TVP23B: variants seen among roughly 807,000 people sequenced by gnomAD.
TVP23B encodes Golgi apparatus membrane protein TVP23 homolog B.
Under a neutral mutation model 30.6 loss-of-function variants are expected in TVP23B, and 10 were observed. The observed-to-expected ratio is 0.33, with a 90% CI of 0.20 to 0.55. TVP23B has a LOEUF of 0.55. Ranked by LOEUF, TVP23B falls within the 20% of genes least tolerant of loss-of-function variation. TVP23B has a pLI of 0.91. For missense variants in TVP23B, 153 were observed against 243.2 expected (o/e 0.63, Z 2.47); for synonymous variants, 67 against 83.1 (o/e 0.81, Z 1.06).
chr17:18,793,136 C>T (rs981092819), intron 3 of TVP23B, among the ~76,000 whole-genome samples: 11 of 151,898 alleles, frequency 7.2e-5, no homozygotes, highest in Non-Finnish European at 1.0e-4. Context: ...AGCATGAGGC[C>T]TGTGGGCAGA....
At chr17:18,787,154 G>A (rs1399925342) in intron 1 of TVP23B, among the ~76,000 whole-genome samples, 2 of 152,194 alleles carry the variant, frequency 1.3e-5, no homozygotes, top group Non-Finnish European at 2.9e-5. Flanking sequence ...CAGCACTATG[G>A]GAGGGTGAGG....
chr17:18,801,983 AG>A (rs201274154), intron 5 of TVP23B, among the ~76,000 whole-genome samples: 1,714 of 152,178 alleles, frequency 0.011, 16 homozygotes, highest in East Asian at 0.043. Context: ...GCACTTTGGG[AG>A]GGCCAAGGCG....
chr17:18,788,931 G>C lies in TVP23B; in HGVS notation c.13-422G>C, dbSNP rs575260588. The C allele has an allele frequency of 7.7e-5, 13 of 169,890 alleles. No individual in the cohort carries two copies. The East Asian group carries it at 2.1e-3, about 27-fold the overall frequency. The allele number at this position is 169,890 out of a possible 1,614,324, so 10.5% of individuals were successfully genotyped here. ...TTGGTTTAGCCTTGGATAAGAAGAGGAGGAGTTGTGAGAAGGGGTCATGGA... is the reference window on the plus strand; with the variant it reads ...TTGGTTTAGCCTTGGATAAGAAGAGCAGGAGTTGTGAGAAGGGGTCATGGA... On this transcript the variant is annotated intron_variant, in intron 1 of 6. Transcript: ENST00000307767.
At chr17:18,797,507 T>G in intron 3 of TVP23B, 72 bp from the exon 4 acceptor site, 3 of 1,607,620 alleles carry the variant, frequency 1.9e-6, no homozygotes, top group Non-Finnish European at 2.5e-6. Context: ...AATGTTACAC[T>G]AAGATAGGAG....
intron 1 of TVP23B, among the ~76,000 whole-genome samples, chr17:18,785,384 T>TC (rs1230193522): frequency 3.1e-5 from 2 of 63,758 alleles, no homozygotes; most frequent in South Asian, 6.3e-4. Flanking sequence ...GAGCTATTTG[T>TC]CTTTTTTTTT....
At chr17:18,789,093 C>G (rs943731581) in intron 1 of TVP23B, 3 of 483,696 alleles carry the variant, frequency 6.2e-6, no homozygotes, top group Admixed American at 3.4e-5. Flanking sequence ...CTCATCTGCA[C>G]CCTAGAGTTT....
chr17:18,792,644 G>A (rs1035799495), intron 3 of TVP23B, among the ~76,000 whole-genome samples: 1 of 151,916 alleles, frequency 6.6e-6, no homozygotes, highest in African/African-American at 2.4e-5. Flanking sequence ...AATTTTTCTG[G>A]GTTTAGAGTT....
At chr17:18,800,932 G>A (rs2036155623) in intron 5 of TVP23B, among the ~76,000 whole-genome samples, 1 of 152,096 alleles carries the variant, frequency 6.6e-6, no homozygotes, top group Admixed American at 6.5e-5. Flanking sequence ...TTATGTCAGA[G>A]CTGTCTGGAG....
rs1567631608 is a variant in TVP23B at position 18,786,644 on chromosome 17, C to CT, written c.13-2702dup. Among the ~76,000 whole-genome samples the CT allele has an allele frequency of 5.9e-5, 9 of 151,900 alleles. No homozygotes were observed. In the South Asian group the frequency reaches 1.5e-3, roughly 25 times the overall value. ...CTGAGGGCTGGACCCAAGTATCAGC[C>CT]TTTTTTTGTTTGTTTGTTTGTTTTT... On this transcript the variant is annotated intron_variant, in intron 1 of 6. Coordinates refer to ENST00000307767, the MANE Select transcript of TVP23B (RefSeq NM_016078.6).
intron 3 of TVP23B, among the ~76,000 whole-genome samples, chr17:18,794,235 A>G (rs1434797204): frequency 6.6e-6 from 1 of 152,258 alleles, no homozygotes; most frequent in Non-Finnish European, 1.5e-5. Context: ...GGGACTTTGT[A>G]TGACAGAATA....
At chr17:18,795,061 T>G (rs1597620128) in intron 3 of TVP23B, among the ~76,000 whole-genome samples, 2 of 147,796 alleles carry the variant, frequency 1.4e-5, no homozygotes, top group African/African-American at 2.5e-5. Context: ...AATCTTGCTT[T>G]GTCACCCAAG....
chr17:18,784,708 C>T (rs923203852), intron 1 of TVP23B, among the ~76,000 whole-genome samples: 35 of 152,218 alleles, frequency 2.3e-4, no homozygotes, highest in Admixed American at 2.3e-3. Context: ...TTATGAGCAG[C>T]ATTTGACACA....
intron 1 of TVP23B, among the ~76,000 whole-genome samples, chr17:18,784,509 G>GT: frequency 6.6e-6 from 1 of 152,218 alleles, no homozygotes; most frequent in Admixed American, 6.5e-5. Context: ...CCTGGGGGTG[G>GT]TGGCATGTGC....
intron 1 of TVP23B, among the ~76,000 whole-genome samples, chr17:18,785,317 G>A (rs950595675): frequency 2.0e-5 from 3 of 151,274 alleles, no homozygotes; most frequent in East Asian, 1.9e-4. Flanking sequence ...ATTTTGCCCC[G>A]AAATCTTTTG....
At chr17:18,782,500 G>T (rs1186347239) in intron 1 of TVP23B, 1 of 150,802 alleles carries the variant, frequency 6.6e-6, no homozygotes, top group African/African-American at 2.4e-5. Context: ...GGGAGACTCC[G>T]TCTCAAACAA....
At chr17:18,787,012 C>T (rs1043683637) in intron 1 of TVP23B, among the ~76,000 whole-genome samples, 6 of 148,508 alleles carry the variant, frequency 4.0e-5, no homozygotes, top group Non-Finnish European at 7.4e-5. Flanking sequence ...TGTATATTAT[C>T]GTCTCCTTTG....
At position 18,792,786 on chromosome 17, in the gene TVP23B, G is replaced by A. The variant is rs186753472; in HGVS notation, c.240+1746G>A. Among the ~76,000 whole-genome samples the A allele has an allele frequency of 1.0e-3, 159 of 152,238 alleles. 1 individual carries two copies. The highest frequency in any genetic ancestry group is 3.5e-3 in the African/African-American group (146 of 41,536). ...TACTTATAGATAGCAAAGCAATGGA[G>A]ATATAAAGCAAAATTAAGAAGTCAA... is the stretch of plus-strand genomic sequence containing the variant. On this transcript the variant is annotated intron_variant, in intron 3 of 6. Transcript: ENST00000307767.
chr17:18,799,523 C>T (rs113424402), intron 5 of TVP23B, among the ~76,000 whole-genome samples: 3,292 of 152,274 alleles, frequency 0.022, 134 homozygotes, highest in African/African-American at 0.076. Flanking sequence ...CTTTTACAAT[C>T]TAGCTAAGAT....
intron 1 of TVP23B, among the ~76,000 whole-genome samples, chr17:18,785,836 A>G (rs1230492748): frequency 6.6e-6 from 1 of 152,012 alleles, no homozygotes; most frequent in African/African-American, 2.4e-5. Context: ...CCTGTGTCAA[A>G]AAAAAAAAAT....
Sources: allele counts gnomAD v4.1 joint callset (sites outside exome capture counted in the v4.1 genomes callset), GRCh38; gene constraint gnomAD v4.1.1; transcripts MANE v1.5; gene names NCBI Gene and HGNC (gene_info 2026-07-23, HGNC 2026-07-21).